RALYL: variants seen among roughly 807,000 people sequenced by gnomAD.
RALYL encodes the protein RALY RNA binding protein like, also known as RNA-binding Raly-like protein.
A neutral mutation model predicts 35.1 loss-of-function variants in RALYL; 29 were observed. That is an observed-to-expected ratio of 0.83 (90% CI 0.61 to 1.13). The LOEUF (loss-of-function observed/expected upper bound fraction) is 1.13. Among genes scored for constraint, RALYL ranks in the 50% most tolerant of loss-of-function variants. The pLI, the probability that RALYL is intolerant of heterozygous loss-of-function variation, is 0.00. For missense variants in RALYL, 359 were observed against 360.4 expected, an observed-to-expected ratio of 1.00 and a Z score of 0.03; for synonymous variants, 120 against 127.6, an observed-to-expected ratio of 0.94 and a Z score of 0.40.
chr8:84,714,228 G>A (rs956084178), intron 2 of RALYL, among the ~76,000 whole-genome samples: 4 of 151,836 alleles, frequency 2.6e-5, no homozygotes, highest in Non-Finnish European at 5.9e-5. Context: ...GCAGAGAGTA[G>A]AATGGGGGTT....
At chr8:84,339,627 C>T (rs1563757530) in intron 1 of RALYL, among the ~76,000 whole-genome samples, 1 of 151,704 alleles carries the variant, frequency 6.6e-6, no homozygotes, top group Non-Finnish European at 1.5e-5. Context: ...TTGAATTATC[C>T]TGAAAGCACC....
intron 2 of RALYL, among the ~76,000 whole-genome samples, chr8:84,748,981 G>A (rs541419313): frequency 1.3e-5 from 2 of 151,928 alleles, no homozygotes; most frequent in African/African-American, 4.8e-5. Flanking sequence ...GATCATATTT[G>A]TTTTTGCTAC....
At chr8:84,535,281 A>G (rs1006029294) in intron 2 of RALYL, among the ~76,000 whole-genome samples, 4 of 152,144 alleles carry the variant, frequency 2.6e-5, no homozygotes, top group Non-Finnish European at 5.9e-5. Flanking sequence ...TATTTTTACT[A>G]TTTCTCTTTC....
At chr8:84,318,420 T>C (rs1335712652) in intron 1 of RALYL, among the ~76,000 whole-genome samples, 1 of 152,222 alleles carries the variant, frequency 6.6e-6, no homozygotes, top group Admixed American at 6.5e-5. Context: ...ATGGTAATCT[T>C]TCACTGACTC....
chr8:84,466,159 G>T (rs936405086), intron 1 of RALYL, among the ~76,000 whole-genome samples: 1 of 132,544 alleles, frequency 7.5e-6, no homozygotes, highest in Admixed American at 7.7e-5. Context: ...AATTGCCCTG[G>T]CCAGAACTTC....
In RALYL at chr8:84,398,255, C is replaced by G. The variant is rs902324958; in HGVS notation, c.-23-131044C>G. On this transcript the variant is annotated intron_variant, in intron 1 of 8. Coordinates refer to ENST00000521268, the MANE Select transcript of RALYL (RefSeq NM_173848.7). ...TTGATCCGCAAGCACTTTGAACATT[C>G]CATCCACTTCTCAGTTAACAGAACA... is the stretch of plus-strand genomic sequence containing the variant. Among the ~76,000 whole-genome samples the G allele has an allele frequency of 3.3e-5, 5 of 152,092 alleles. No homozygotes were observed. The East Asian group carries it at 5.8e-4, about 18-fold the overall frequency.
intron 7 of RALYL, among the ~76,000 whole-genome samples, chr8:84,878,449 C>A (rs1841592345): frequency 6.6e-6 from 1 of 151,912 alleles, no homozygotes; most frequent in Non-Finnish European, 1.5e-5. Context: ...CAGTATCTCT[C>A]TATACTTACA....
intron 1 of RALYL, among the ~76,000 whole-genome samples, chr8:84,298,943 A>T (rs896842171): frequency 1.7e-4 from 26 of 152,000 alleles, no homozygotes; most frequent in Non-Finnish European, 1.8e-4. Flanking sequence ...TGTGTAACAG[A>T]TCTAGGAGCT....
At chr8:84,398,898 C>T (rs1269158965) in intron 1 of RALYL, among the ~76,000 whole-genome samples, 1 of 150,640 alleles carries the variant, frequency 6.6e-6, no homozygotes, top group Non-Finnish European at 1.5e-5. Flanking sequence ...TGCTTGAATC[C>T]AGGAGGCAGA....
intron 2 of RALYL, among the ~76,000 whole-genome samples, chr8:84,681,746 C>T (rs1307280001): frequency 2.0e-5 from 3 of 152,126 alleles, no homozygotes; most frequent in African/African-American, 7.2e-5. Context: ...TGGGCTGAGA[C>T]AATGGGGTTT....
At chr8:84,399,899 T>C (rs889034706) in intron 1 of RALYL, among the ~76,000 whole-genome samples, 1 of 152,308 alleles carries the variant, frequency 6.6e-6, no homozygotes, top group Non-Finnish European at 1.5e-5. Flanking sequence ...GGTGGATCAC[T>C]TGAGGCCAGG....
At chr8:84,456,542 G>GA (rs1156737157) in intron 1 of RALYL, among the ~76,000 whole-genome samples, 1 of 150,534 alleles carries the variant, frequency 6.6e-6, no homozygotes, top group East Asian at 2.0e-4. Context: ...TGCTTCTAAA[G>GA]AAAAAAAAAG....
intron 2 of RALYL, among the ~76,000 whole-genome samples, chr8:84,538,666 C>A (rs1224986757): frequency 6.6e-6 from 1 of 151,950 alleles, no homozygotes; most frequent in African/African-American, 2.4e-5. Context: ...AATATTTATA[C>A]ATAAGATAAC....
intron 2 of RALYL, among the ~76,000 whole-genome samples, chr8:84,770,202 C>A (rs1359530773): frequency 1.3e-5 from 2 of 152,122 alleles, no homozygotes; most frequent in Non-Finnish European, 2.9e-5. Flanking sequence ...CCCCCTCCCA[C>A]CTTTTCCCCC....
intron 1 of RALYL, among the ~76,000 whole-genome samples, chr8:84,413,695 C>G (rs142973908): frequency 4.6e-4 from 70 of 152,154 alleles, no homozygotes; most frequent in Non-Finnish European, 9.3e-4. Flanking sequence ...TTATGATTCA[C>G]TCAAAGTAAA....
At chr8:84,655,933 T>G (rs1336091789) in intron 2 of RALYL, among the ~76,000 whole-genome samples, 2 of 152,160 alleles carry the variant, frequency 1.3e-5, no homozygotes, top group Non-Finnish European at 2.9e-5. Context: ...TTAGTTACTT[T>G]TAAGATCTTA....
chr8:84,864,916 G>T, intron 6 of RALYL: 1 of 325,840 alleles, frequency 3.1e-6, no homozygotes, highest in South Asian at 4.7e-5. Flanking sequence ...TGTTATTATA[G>T]AAAGACAACA....
intron 2 of RALYL, among the ~76,000 whole-genome samples, chr8:84,745,481 GAGA>G (rs1406983391): frequency 2.0e-5 from 3 of 151,966 alleles, no homozygotes; most frequent in Non-Finnish European, 4.4e-5. Context: ...ATATGTATTA[GAGA>G]AGAAGTGATT....
chr8:84,225,521 TCA>T lies in RALYL; in HGVS notation c.-24+41102_-24+41103del, dbSNP rs1823656476. 2.0e-5 allele frequency among the ~76,000 whole-genome samples: 3 copies of T among 152,308 alleles called. No homozygotes were observed. In the South Asian group the frequency reaches 6.2e-4, roughly 32 times the overall value. The stretch of plus-strand genomic sequence containing the variant: ...TTTCCTCTTGATGATTACATTTCAG[TCA>T]CACAGTCTTTCTCGGTTTTCAAAAA... On this transcript the variant is annotated intron_variant, in intron 1 of 8. Coordinates refer to ENST00000521268, the MANE Select transcript of RALYL (RefSeq NM_173848.7).
Sources: gnomAD v4.1 joint callset for allele counts (sites outside exome capture counted in the v4.1 genomes callset) on GRCh38, gnomAD v4.1.1 for gene constraint, MANE v1.5 for transcripts, NCBI Gene and HGNC (gene_info 2026-07-23, HGNC 2026-07-21) for gene names.